The following PHYHIP variants were observed in gnomAD, a reference collection of about 807,000 sequenced individuals.
PHYHIP encodes the protein phytanoyl-CoA hydroxylase-interacting protein.
Under a neutral mutation model 26.1 loss-of-function variants are expected in PHYHIP, and 7 were observed. The ratio of observed to expected loss-of-function variants is 0.27; its 90% CI spans 0.15 to 0.50. PHYHIP has a LOEUF of 0.50. PHYHIP is among the 20% of genes least tolerant of loss of function. The pLI is 0.98. For missense variants in PHYHIP, 232 were observed against 454.7 expected (o/e 0.51, Z 4.45); for synonymous variants, 206 against 183.4 (o/e 1.12, Z -1.00).
intron 3 of PHYHIP, among the ~76,000 whole-genome samples, chr8:22,225,043 G>A (rs542778196): frequency 6.6e-6 from 1 of 152,336 alleles, no homozygotes; most frequent in East Asian, 1.9e-4. Flanking sequence ...AGGGTGCTTG[G>A]TTTGGAGAGA....
At position 22,221,506 on chromosome 8, in the gene PHYHIP, C is replaced by G; in HGVS notation, c.840G>C (p.Gln280His). The G allele has an allele frequency of 6.2e-7, 1 of 1,614,028 alleles. No individual in the cohort carries two copies. The highest frequency in any genetic ancestry group is 1.1e-5 in the South Asian group (1 of 91,066). ...TGTAGATGATCTCCAGGATGAGGTC[C>G]TGGGCGTGGCGGAAGACCAGCTCCC... ...EDGELVFRHAQDLILEIIYTE... is the reference protein window; with the variant it reads ...EDGELVFRHAHDLILEIIYTE... The change falls in exon 5 of 5, where the codon CAG becomes CAC. Residue 280 changes from glutamine (Q) to histidine (H), a missense_variant. Gln to His is a conservative substitution (Grantham distance 24, BLOSUM62 0). Transcript: ENST00000454243. This position sits in a 1 kb window ranked among gnomAD's most constrained non-coding sequence, Gnocchi z 7.9.
chr8:22,225,766 C>A (rs1829731874), intron 3 of PHYHIP, among the ~76,000 whole-genome samples: 1 of 149,768 alleles, frequency 6.7e-6, no homozygotes, highest in South Asian at 2.1e-4. Context: ...GATCACGCCA[C>A]TGCACTCCAG....
intron 1 of PHYHIP, among the ~76,000 whole-genome samples, chr8:22,229,895 G>A (rs1829833050): frequency 6.6e-6 from 1 of 152,190 alleles, no homozygotes; most frequent in South Asian, 2.1e-4. Context: ...TGGATGGCAA[G>A]TACAGGGTGA....
At chr8:22,226,066 T>C (rs1227388265) in intron 3 of PHYHIP, among the ~76,000 whole-genome samples, 1 of 152,124 alleles carries the variant, frequency 6.6e-6, no homozygotes, top group Non-Finnish European at 1.5e-5. Context: ...AGGCCCACTG[T>C]TTGTTTGTGA....
rs1490676035 is a variant in PHYHIP at position 22,221,329 on chromosome 8, C to T, written c.*24G>A. On this transcript the variant is annotated 3_prime_UTR_variant, in exon 5 of 5. Transcript: ENST00000454243. The surrounding 1 kb of genome is among the most constrained non-coding windows in gnomAD (Gnocchi z 7.9). Reference sequence around the variant, plus strand: ...CTCCACCTTCCGCTCATCTCTCCCTCGCCCCCCAGCTCCCCAGGAGTCCCT... The same window carrying T: ...CTCCACCTTCCGCTCATCTCTCCCTTGCCCCCCAGCTCCCCAGGAGTCCCT... 6.5e-6 allele frequency: 10 copies of T among 1,532,302 alleles called. No homozygotes were observed. Among genetic ancestry groups the T allele is most frequent in the Middle Eastern group, 2.0e-4 (1 of 5,124 alleles). The allele number at this position is 1,532,302 out of a possible 1,614,324, so 94.9% of individuals were successfully genotyped here.
At chr8:22,222,014 G>T in intron 4 of PHYHIP, 127 bp from the exon 5 acceptor site, 1 of 732,234 alleles carries the variant, frequency 1.4e-6, no homozygotes, top group Non-Finnish European at 2.2e-6. Context: ...TCCCCCAGCC[G>T]CCTCCACTAG....
At chr8:22,228,556 G>C in intron 1 of PHYHIP, 170 bp from the exon 2 acceptor site, 2 of 528,140 alleles carry the variant, frequency 3.8e-6, no homozygotes, top group Non-Finnish European at 3.4e-6. Flanking sequence ...GGATGATGGA[G>C]GGTGGAAAGG....
chr8:22,221,738 C>T lies in PHYHIP; in HGVS notation c.608G>A (p.Arg203His), dbSNP rs1281604388. The change falls in exon 5 of 5, where the codon CGC becomes CAC. Residue 203 changes from arginine to histidine, a missense_variant. Transcript: ENST00000454243. This position sits in a 1 kb window ranked among gnomAD's most constrained non-coding sequence, Gnocchi z 7.9. ...CTGAGCTGGGATCTGGAAGCGCCAG[C>T]GGCCGTAGGGGGAGTCCTGCGGGGG... The part of the protein sequence containing the change: ...GQPPQDSPYG[R>H]WRFQIPAQRL... 1 of 1,613,158 alleles carries T rather than the reference C, an allele frequency of 6.2e-7. No homozygotes were observed. The highest frequency in any genetic ancestry group is 1.1e-5 in the South Asian group (1 of 90,962).
chr8:22,226,155 G>A (rs1829741277), intron 3 of PHYHIP, among the ~76,000 whole-genome samples: 1 of 152,192 alleles, frequency 6.6e-6, no homozygotes, highest in African/African-American at 2.4e-5. Context: ...CTACGTGAAG[G>A]CTCAGAACAA....
chr8:22,221,806 G>A lies in PHYHIP; in HGVS notation c.540C>T (p.His180=), dbSNP rs552436087. 59 of 1,606,254 alleles carry A rather than the reference G, an allele frequency of 3.7e-5. No individual in the cohort carries two copies. The East Asian group carries it at 7.4e-4, about 20-fold the overall frequency. Residue 180 remains histidine, a synonymous_variant, in exon 5 of 5, where the codon CAC becomes CAT. Transcript: ENST00000454243. The surrounding 1 kb of genome is among the most constrained non-coding windows in gnomAD (Gnocchi z 7.9). ...CCGTGTTGCAGCTGAAGAAGACCCCGTGGAGCATACCGCTGGTGGGGGAGC... is the reference window on the plus strand; with the variant it reads ...CCGTGTTGCAGCTGAAGAAGACCCCATGGAGCATACCGCTGGTGGGGGAGC... ...SHGSPTSGML[H]GVFFSCNTEF... is the part of the protein sequence containing the mutation.
In PHYHIP at chr8:22,228,321, T is replaced by A; in HGVS notation, c.37A>T (p.Asn13Tyr). 1.2e-6 allele frequency: 2 copies of A among 1,608,390 alleles called. No individual in the cohort carries two copies. Among genetic ancestry groups the A allele is most frequent in the South Asian group, 2.2e-5 (2 of 90,190 alleles). The part of the protein sequence containing the change: ...LLSTPHSIEI[N>Y]NITCDSFRIS... ...CGGAAGGAGTCGCAGGTGATGTTGT[T>A]GATCTCAATGCTGTGGGGCGTGGAC... Residue 13 changes from asparagine to tyrosine, a missense_variant, in exon 2 of 5, where the codon AAC becomes TAC. Asn to Tyr is a moderately radical substitution (Grantham distance 143, BLOSUM62 -2). Transcript: ENST00000454243.
chr8:22,220,283 C>T lies in PHYHIP; in HGVS notation c.*1070G>A, dbSNP rs1829588905. 1 of 152,550 alleles carries T rather than the reference C, an allele frequency of 6.6e-6. No individual in the cohort carries two copies. Among genetic ancestry groups the T allele is most frequent in the Non-Finnish European group, 1.5e-5 (1 of 68,246 alleles). The allele number at this position is 152,550 out of a possible 1,614,324, so 9.4% of individuals were successfully genotyped here. On this transcript the variant is annotated 3_prime_UTR_variant, in exon 5 of 5. Coordinates refer to ENST00000454243, the MANE Select transcript of PHYHIP (RefSeq NM_014759.5). ...CCGGGAAGGACTTCACCAAGAACTC[C>T]CCGGGGAGGGGCTCCCGGCCAGCAG...
At chr8:22,225,634 A>C (rs542743092) in intron 3 of PHYHIP, among the ~76,000 whole-genome samples, 2 of 78,152 alleles carry the variant, frequency 2.6e-5, no homozygotes, top group South Asian at 7.6e-4. Context: ...ATCTCTACTA[A>C]AAATACAAAA....
chr8:22,222,954 G>A (rs150685486), intron 4 of PHYHIP, among the ~76,000 whole-genome samples: 6 of 152,196 alleles, frequency 3.9e-5, no homozygotes, highest in Non-Finnish European at 7.4e-5. Context: ...GCCTCCCAAC[G>A]TGGTAGGATT....
chr8:22,230,874 CA>C (rs1829853293), intron 1 of PHYHIP, among the ~76,000 whole-genome samples: 1 of 152,188 alleles, frequency 6.6e-6, no homozygotes, highest in African/African-American at 2.4e-5. Flanking sequence ...CACCGCCTCA[CA>C]AGCCATATGT....
intron 1 of PHYHIP, among the ~76,000 whole-genome samples, chr8:22,230,850 C>G (rs6994487): frequency 0.084 from 12,786 of 152,222 alleles, 1,268 homozygotes; most frequent in African/African-American, 0.24. Flanking sequence ...CTCACGCACA[C>G]ACACGTCCAC....
intron 1 of PHYHIP, among the ~76,000 whole-genome samples, chr8:22,229,756 G>T (rs779719353): frequency 2.0e-5 from 3 of 152,170 alleles, no homozygotes; most frequent in African/African-American, 7.2e-5. Context: ...AGGAGCTAGT[G>T]GTGAGGGCAT....
At chr8:22,229,813 T>A (rs1829831616) in intron 1 of PHYHIP, among the ~76,000 whole-genome samples, 1 of 152,182 alleles carries the variant, frequency 6.6e-6, no homozygotes, top group Non-Finnish European at 1.5e-5. Flanking sequence ...TTCCAGAGGA[T>A]CCAGCCCACA....
At chr8:22,226,514 G>A (rs899633260) in intron 3 of PHYHIP, among the ~76,000 whole-genome samples, 2 of 152,112 alleles carry the variant, frequency 1.3e-5, no homozygotes, top group East Asian at 1.9e-4. Flanking sequence ...TGGTCGAGAC[G>A]GCAAATTTTA....
Sources: gnomAD v4.1 joint callset for allele counts (sites outside exome capture counted in the v4.1 genomes callset) on GRCh38, gnomAD v4.1.1 for gene constraint, Gnocchi (gnomAD v3.1) non-coding constraint, MANE v1.5 for transcripts, NCBI Gene and HGNC (gene_info 2026-07-23, HGNC 2026-07-21) for gene names.